The following ABCB1 variants were observed in gnomAD, a reference collection of about 807,000 sequenced individuals.
ABCB1 encodes ATP-dependent translocase ABCB1.
ABCB1 carries 69 observed loss-of-function variants against 142.0 expected under a neutral mutation model. The ratio of observed to expected loss-of-function variants is 0.49; its 90% CI spans 0.40 to 0.59. The LOEUF is 0.59. Among genes scored for constraint, ABCB1 ranks in the 20% least tolerant of loss-of-function variants. The pLI is 0.00. For synonymous variants in ABCB1, 532 were observed against 539.2 expected, an observed-to-expected ratio of 0.99 and a Z score of 0.18; for missense variants, 1,326 against 1,554.7, an observed-to-expected ratio of 0.85 and a Z score of 2.47.
At chr7:87,629,236 A>G (rs1820955805) in intron 1 of ABCB1, 1 of 324,046 alleles carries the variant, frequency 3.1e-6, no homozygotes, top group South Asian at 1.6e-4. Flanking sequence ...CGTCAGAGTG[A>G]AAGAGGAGGG....
chr7:87,551,229 C>A (rs902088378), intron 9 of ABCB1, among the ~76,000 whole-genome samples: 2 of 151,950 alleles, frequency 1.3e-5, no homozygotes, highest in Admixed American at 1.3e-4. Context: ...CGCTACGTGT[C>A]CCAGCCTGGT....
chr7:87,521,469 G>A, intron 21 of ABCB1: 1 of 728,020 alleles, frequency 1.4e-6, no homozygotes, highest in South Asian at 1.5e-5. Flanking sequence ...TCATGTCTAA[G>A]TCAGAGTCTC....
intron 1 of ABCB1, among the ~76,000 whole-genome samples, chr7:87,656,065 C>T (rs1450788672): frequency 6.6e-6 from 1 of 151,956 alleles, no homozygotes; most frequent in Non-Finnish European, 1.5e-5. Flanking sequence ...GCCTCTAGAA[C>T]TATGAGAAAT....
chr7:87,566,516 T>G (rs1817787845), intron 6 of ABCB1, among the ~76,000 whole-genome samples: 1 of 152,196 alleles, frequency 6.6e-6, no homozygotes, highest in African/African-American at 2.4e-5. Flanking sequence ...AAGTATCTTG[T>G]TTTGCTCTAC....
At chr7:87,603,833 CCA>C (rs1468354737), upstream of ABCB1, among the ~76,000 whole-genome samples, 1 of 152,140 alleles carries the variant, frequency 6.6e-6, no homozygotes, top group African/African-American at 2.4e-5. Context: ...CTCTGCTATC[CCA>C]CAGTTACCTT....
intron 21 of ABCB1, chr7:87,521,392 C>T (rs1815499027): frequency 3.2e-6 from 2 of 625,920 alleles, no homozygotes; most frequent in Admixed American, 2.4e-5. Context: ...TGCCTGTGGA[C>T]GCTTACCCCT....
At chr7:87,513,158 G>T (rs73705238) in intron 25 of ABCB1, among the ~76,000 whole-genome samples, 4,436 of 152,222 alleles carry the variant, frequency 0.029, 217 homozygotes, top group African/African-American at 0.099. Context: ...GAACAGCTGT[G>T]ATATCGGCAT....
At chr7:87,683,885 T>TA (rs1827183291) in intron 1 of ABCB1, among the ~76,000 whole-genome samples, 1 of 152,066 alleles carries the variant, frequency 6.6e-6, no homozygotes, top group South Asian at 2.1e-4. Flanking sequence ...TGAAATACAT[T>TA]AAAACAAGAA....
intron 19 of ABCB1, 106 bp from the exon 20 acceptor site, chr7:87,536,647 T>A: frequency 1.1e-6 from 1 of 886,788 alleles, no homozygotes; most frequent in South Asian, 1.4e-5. Flanking sequence ...ACCCCCTGCA[T>A]TTAGTACTCA....
chr7:87,571,613 C>A (rs1172920686), intron 4 of ABCB1, among the ~76,000 whole-genome samples: 1 of 151,994 alleles, frequency 6.6e-6, no homozygotes, highest in Non-Finnish European at 1.5e-5. Flanking sequence ...AAACATCAAG[C>A]CTAAGCATTT....
chr7:87,644,764 GAT>G (rs147569892), intron 1 of ABCB1, among the ~76,000 whole-genome samples: 4 of 150,912 alleles, frequency 2.7e-5, no homozygotes, highest in African/African-American at 4.9e-5. Context: ...TGTATATATG[GAT>G]ATATATATAT....
At chr7:87,612,502 C>T (rs540214203) in intron 1 of ABCB1, among the ~76,000 whole-genome samples, 4 of 152,120 alleles carry the variant, frequency 2.6e-5, no homozygotes, top group African/African-American at 9.6e-5. Context: ...TTCTCAGCAC[C>T]GTTTATTGAA....
Position 87,504,042 on chromosome 7 carries a change from T to C in ABCB1, c.*201A>G, listed in dbSNP as rs1227847698. On this transcript the variant is annotated 3_prime_UTR_variant, in exon 28 of 28. Coordinates refer to ENST00000622132, the MANE Select transcript of ABCB1 (RefSeq NM_001348946.2). Reference sequence around the variant, plus strand: ...TCTGTTATAAAATTTATAATGCAGTTTAAACTATGATTTCTCTCCACTTGA... The same window carrying C: ...TCTGTTATAAAATTTATAATGCAGTCTAAACTATGATTTCTCTCCACTTGA... 1 of 637,352 alleles carries C rather than the reference T, an allele frequency of 1.6e-6. No homozygotes were observed. Among genetic ancestry groups the C allele is most frequent in the Non-Finnish European group, 2.7e-6 (1 of 372,286 alleles). 39.5% of individuals were successfully genotyped at this position (637,352 alleles called of 1,614,324 possible).
At chr7:87,536,896 G>T in intron 19 of ABCB1, 1 of 298,554 alleles carries the variant, frequency 3.3e-6, no homozygotes, top group African/African-American at 2.2e-5. Flanking sequence ...GTGAGGGGAG[G>T]TGCTATTTTA....
chr7:87,709,399 C>T, intron 1 of ABCB1: 1 of 985,366 alleles, frequency 1.0e-6, no homozygotes, highest in South Asian at 4.7e-5. Flanking sequence ...TAGCTTGCCT[C>T]TTCCTTCCTC....
chr7:87,619,415 T>C (rs1449639058), intron 1 of ABCB1, among the ~76,000 whole-genome samples: 1 of 151,984 alleles, frequency 6.6e-6, no homozygotes, highest in African/African-American at 2.4e-5. Flanking sequence ...GGCACATGCT[T>C]GTATTCCCAG....
At chr7:87,504,534 C>A (rs917563479) in intron 27 of ABCB1, 85 bp from the exon 28 acceptor site, 1 of 1,547,542 alleles carries the variant, frequency 6.5e-7, no homozygotes, top group Non-Finnish European at 8.8e-7. Context: ...GTAGGACGGG[C>A]ATGGTGGCTC....
chr7:87,606,101 A>G (rs1020246707), intron 1 of ABCB1, among the ~76,000 whole-genome samples: 1 of 152,074 alleles, frequency 6.6e-6, no homozygotes, highest in African/African-American at 2.4e-5. Context: ...TATTCTTAAT[A>G]TATAAAGAGC....
intron 1 of ABCB1, among the ~76,000 whole-genome samples, chr7:87,609,492 A>G (rs1384994536): frequency 6.6e-6 from 1 of 151,982 alleles, no homozygotes. Flanking sequence ...AAAGAGGGCC[A>G]AGTTAACAAC....
Sources: allele counts gnomAD v4.1 joint callset (sites outside exome capture counted in the v4.1 genomes callset), GRCh38; gene constraint gnomAD v4.1.1; transcripts MANE v1.5; gene names NCBI Gene and HGNC (gene_info 2026-07-23, HGNC 2026-07-21).